Variants in FBXL7 observed in about 807,000 individuals in gnomAD.
The protein encoded by FBXL7 is F-box/LRR-repeat protein 7.
A neutral mutation model predicts 38.3 loss-of-function variants in FBXL7; 12 were observed. That is an observed-to-expected ratio of 0.31 (90% CI 0.20 to 0.51). FBXL7 has a LOEUF of 0.51. Among genes scored for constraint, FBXL7 ranks in the 20% least tolerant of loss-of-function variants. The pLI is 0.98. For synonymous variants in FBXL7, 297 were observed against 300.9 expected, an observed-to-expected ratio of 0.99 and a Z score of 0.13; for missense variants, 567 against 676.4, an observed-to-expected ratio of 0.84 and a Z score of 1.79.
chr5:15,928,722 T>TA lies in FBXL7; in HGVS notation c.739+222dup, dbSNP rs1741962141. Among the ~76,000 whole-genome samples the TA allele has an allele frequency of 6.6e-6, 1 of 152,152 alleles. No individual in the cohort carries two copies. The highest frequency in any genetic ancestry group is 6.5e-5 in the Admixed American group (1 of 15,282). ...AAATAATGTCCACTTCTTTTTTTTT[T>TA]ATTATTATACTTTAAGTTTTAGGGT... On this transcript the variant is annotated intron_variant, in intron 3 of 3. Coordinates refer to ENST00000504595, the MANE Select transcript of FBXL7 (RefSeq NM_012304.5). The surrounding 1 kb of genome is among the most constrained non-coding windows in gnomAD (Gnocchi z 4.0).
At chr5:15,595,558 C>G (rs1739603356) in intron 1 of FBXL7, among the ~76,000 whole-genome samples, 1 of 152,222 alleles carries the variant, frequency 6.6e-6, no homozygotes, top group African/African-American at 2.4e-5. Flanking sequence ...TTAATCTGCA[C>G]TCTTGCAACA....
intron 2 of FBXL7, among the ~76,000 whole-genome samples, chr5:15,694,689 A>C (rs1299125843): frequency 2.0e-5 from 3 of 152,176 alleles, no homozygotes; most frequent in African/African-American, 7.2e-5. Context: ...ACCTTTATTA[A>C]TGTGCCATGG....
chr5:15,755,051 A>G (rs1341352235), intron 2 of FBXL7, among the ~76,000 whole-genome samples: 1 of 152,160 alleles, frequency 6.6e-6, no homozygotes, highest in Non-Finnish European at 1.5e-5. Flanking sequence ...ATTTCTTCAT[A>G]TTTAGGAAAT....
At chr5:15,886,210 G>GGTGTGTGTGTGTGTGTGTGT (rs140069204) in intron 2 of FBXL7, among the ~76,000 whole-genome samples, 67 of 150,080 alleles carry the variant, frequency 4.5e-4, no homozygotes, top group African/African-American at 1.6e-3. Context: ...ATAATTTTGA[G>GGTGTGTGTGTGTGTGTGTGT]GTGTGTGTGT....
intron 1 of FBXL7, among the ~76,000 whole-genome samples, chr5:15,567,150 C>T (rs1251368022): frequency 6.6e-6 from 1 of 152,050 alleles, no homozygotes; most frequent in Non-Finnish European, 1.5e-5. Flanking sequence ...AGTTTTTTTC[C>T]TATAGACCAA....
At chr5:15,642,171 C>T (rs1452628550) in intron 2 of FBXL7, among the ~76,000 whole-genome samples, 1 of 152,150 alleles carries the variant, frequency 6.6e-6, no homozygotes, top group Non-Finnish European at 1.5e-5. Context: ...CATTCTAACC[C>T]ATCCTTGATC....
chr5:15,784,863 A>G (rs1737092278), intron 2 of FBXL7, among the ~76,000 whole-genome samples: 1 of 152,240 alleles, frequency 6.6e-6, no homozygotes, highest in Non-Finnish European at 1.5e-5. Context: ...TAGCAGTGCA[A>G]TAACAACCTA....
At chr5:15,515,947 T>C (rs1338522988) in intron 1 of FBXL7, among the ~76,000 whole-genome samples, 1 of 152,194 alleles carries the variant, frequency 6.6e-6, no homozygotes, top group African/African-American at 2.4e-5. Context: ...TAAAAACAGA[T>C]GATTAGCTTA....
At chr5:15,571,553 GGGAA>G in intron 1 of FBXL7, among the ~76,000 whole-genome samples, 1 of 152,140 alleles carries the variant, frequency 6.6e-6, no homozygotes, top group East Asian at 1.9e-4. Flanking sequence ...ACATTTTCTT[GGGAA>G]ATATTTTCCC....
intron 2 of FBXL7, among the ~76,000 whole-genome samples, chr5:15,705,400 C>G (rs887027795): frequency 3.3e-5 from 5 of 152,204 alleles, no homozygotes; most frequent in African/African-American, 1.2e-4. Context: ...CTGTACAGCT[C>G]TGTGTCTGCA....
At chr5:15,913,844 G>A (rs960217733) in intron 2 of FBXL7, among the ~76,000 whole-genome samples, 5 of 152,138 alleles carry the variant, frequency 3.3e-5, no homozygotes, top group African/African-American at 4.8e-5. Context: ...GAGCTCTCTG[G>A]AAGACAGGGA....
intron 1 of FBXL7, among the ~76,000 whole-genome samples, chr5:15,595,354 CA>C (rs1291026659): frequency 1.3e-5 from 2 of 152,026 alleles, no homozygotes; most frequent in African/African-American, 4.8e-5. Context: ...AGAGTTGGAA[CA>C]GGGGTATGAA....
chr5:15,737,442 T>C (rs147691535), intron 2 of FBXL7, among the ~76,000 whole-genome samples: 1 of 152,228 alleles, frequency 6.6e-6, no homozygotes, highest in African/African-American at 2.4e-5. Flanking sequence ...CCAAACCAAA[T>C]AATTATTTGA....
intron 2 of FBXL7, among the ~76,000 whole-genome samples, chr5:15,709,260 G>A (rs1389930107): frequency 6.6e-6 from 1 of 152,160 alleles, no homozygotes; most frequent in Non-Finnish European, 1.5e-5. Context: ...CTGACAGCGT[G>A]TGGTAGCTCA....
At chr5:15,693,208 C>T (rs1743232496) in intron 2 of FBXL7, among the ~76,000 whole-genome samples, 3 of 152,230 alleles carry the variant, frequency 2.0e-5, no homozygotes, top group South Asian at 4.1e-4. Context: ...ATCTCCTTAT[C>T]TCCTGTGAGC....
Position 15,927,971 on chromosome 5 carries a change from G to C in FBXL7, c.209G>C (p.Gly70Ala), listed in dbSNP as rs1741929107. 1.3e-6 allele frequency: 2 copies of C among 1,585,262 alleles called. No homozygotes were observed. Among genetic ancestry groups the C allele is most frequent in the African/African-American group, 1.3e-5 (1 of 74,500 alleles). The part of the protein sequence containing the change: ...CPPNLPGFQN[G>A]RGSSTSSSSI... ...CCGAATCTCCCAGGATTTCAGAATG[G>C]AAGGGGCTCGTCCACCTCCTCGTCC... Residue 70 changes from glycine (G) to alanine (A), a missense_variant, in exon 3 of 4, where the codon GGA (glycine) becomes GCA (alanine). Coordinates refer to ENST00000504595, the MANE Select transcript of FBXL7 (RefSeq NM_012304.5).
rs571455080 is a variant in FBXL7, at chr5:15,937,597, A to G, written c.*411A>G. 4.8e-4 allele frequency: 78 copies of G among 161,714 alleles called. No homozygotes were observed. Among genetic ancestry groups the G allele is most frequent in the Non-Finnish European group, 7.1e-4 (61 of 85,780 alleles). 10.0% of individuals were successfully genotyped at this position (161,714 alleles called of 1,614,324 possible). A position where few individuals can be genotyped will look rare whatever the true frequency, so the allele number is the denominator to read the frequency against. On this transcript the variant is annotated 3_prime_UTR_variant, in exon 4 of 4. Coordinates refer to ENST00000504595, the MANE Select transcript of FBXL7 (RefSeq NM_012304.5). Reference sequence around the variant, plus strand: ...CTCCCTAGAGCAGCAGCGAGGATCCATCATCAGAATCACAGTGCTCTCCAG... The same window carrying G: ...CTCCCTAGAGCAGCAGCGAGGATCCGTCATCAGAATCACAGTGCTCTCCAG...
At chr5:15,767,092 A>G (rs909389764) in intron 2 of FBXL7, among the ~76,000 whole-genome samples, 5 of 152,202 alleles carry the variant, frequency 3.3e-5, no homozygotes, top group African/African-American at 1.2e-4. Flanking sequence ...TTTGCTGCAC[A>G]TATCAACCCT....
chr5:15,839,499 G>A (rs987724716), intron 2 of FBXL7, among the ~76,000 whole-genome samples: 1 of 151,538 alleles, frequency 6.6e-6, no homozygotes, highest in Non-Finnish European at 1.5e-5. Flanking sequence ...TTTTTCCATT[G>A]AATTCTAGTG....
Sources: allele counts gnomAD v4.1 joint callset (sites outside exome capture counted in the v4.1 genomes callset), GRCh38; gene constraint gnomAD v4.1.1; non-coding constraint Gnocchi (gnomAD v3.1); transcripts MANE v1.5; gene names NCBI Gene and HGNC (gene_info 2026-07-23, HGNC 2026-07-21).